Variants in OXR1 observed in about 807,000 individuals in gnomAD.
OXR1 encodes oxidation resistance 1.
Under a neutral mutation model 104.6 loss-of-function variants are expected in OXR1, and 41 were observed. The ratio of observed to expected loss-of-function variants is 0.39; its 90% CI spans 0.31 to 0.51. The LOEUF (loss-of-function observed/expected upper bound fraction) is 0.51. OXR1 is among the 20% of genes least tolerant of loss of function. OXR1 has a pLI of 0.77. For synonymous variants in OXR1, 348 were observed against 348.4 expected, an observed-to-expected ratio of 1.00 and a Z score of 0.01; for missense variants, 955 against 1,031.9, an observed-to-expected ratio of 0.93 and a Z score of 1.02.
At chr8:106,561,833 C>T (rs1288328458) in intron 3 of OXR1, among the ~76,000 whole-genome samples, 1 of 152,164 alleles carries the variant, frequency 6.6e-6, no homozygotes, top group African/African-American at 2.4e-5. Flanking sequence ...CCCAGGCAAA[C>T]AGGGTCTGGA....
At chr8:106,711,341 A>G (rs1197817253) in intron 10 of OXR1, among the ~76,000 whole-genome samples, 1 of 152,134 alleles carries the variant, frequency 6.6e-6, no homozygotes, top group Non-Finnish European at 1.5e-5. Flanking sequence ...TAGAACTGAA[A>G]CATTATAACA....
At chr8:106,653,673 C>T (rs191405733) in intron 3 of OXR1, among the ~76,000 whole-genome samples, 286 of 151,952 alleles carry the variant, frequency 1.9e-3, no homozygotes, top group Non-Finnish European at 3.2e-3. Flanking sequence ...TGCATTTTCT[C>T]CAAATTCAGG....
At chr8:106,433,643 G>C (rs746575358) in intron 2 of OXR1, among the ~76,000 whole-genome samples, 6 of 152,158 alleles carry the variant, frequency 3.9e-5, no homozygotes, top group Non-Finnish European at 7.3e-5. Context: ...GAGTCAATTA[G>C]GTCTGATTTC....
intron 3 of OXR1, among the ~76,000 whole-genome samples, chr8:106,591,727 T>C (rs1009640529): frequency 6.6e-6 from 1 of 152,206 alleles, no homozygotes; most frequent in Non-Finnish European, 1.5e-5. Context: ...CCCATGACTG[T>C]TTCCCAGTTG....
chr8:106,472,639 C>G (rs912031174), intron 2 of OXR1, among the ~76,000 whole-genome samples: 5 of 151,740 alleles, frequency 3.3e-5, no homozygotes, highest in African/African-American at 1.2e-4. Flanking sequence ...ACTTGCTATC[C>G]CATGCTTAGG....
intron 7 of OXR1, chr8:106,697,517 G>A: frequency 1.2e-6 from 2 of 1,610,676 alleles, no homozygotes; most frequent in Non-Finnish European, 1.7e-6. Flanking sequence ...TCTTGCAGCT[G>A]GTTATCCGAG....
At position 106,740,352 on chromosome 8, in the gene OXR1, C is replaced by A; in HGVS notation, c.2173C>A (p.His725Asn). 1 of 1,608,976 alleles carries A rather than the reference C, an allele frequency of 6.2e-7. No homozygotes were observed. Among genetic ancestry groups the A allele is most frequent in the Non-Finnish European group, 8.5e-7 (1 of 1,177,916 alleles). ...LPDQIEKLTK[H>N]LPPRTIGYPW... is the part of the protein sequence containing the mutation. The stretch of plus-strand genomic sequence containing the variant: ...ACTTTGTTTTCTAAAGCTTACCAAG[C>A]ATCTTCCACCAAGAACAATTGGCTA... Residue 725 changes from histidine to asparagine, a missense_variant, in exon 14 of 17, where the codon CAT becomes AAT. By Grantham distance (68) the His-to-Asn change is moderately conservative. This residue lies in a region of OXR1 where 849 missense variants were observed against 852.9 expected (regional missense o/e 1.00). Coordinates refer to ENST00000517566, the MANE Select transcript of OXR1 (RefSeq NM_001198533.2).
intron 2 of OXR1, among the ~76,000 whole-genome samples, chr8:106,364,119 A>G (rs1004984484): frequency 1.2e-4 from 19 of 152,282 alleles, no homozygotes; most frequent in South Asian, 4.1e-4. Context: ...AAAAATAACA[A>G]AGCCTAAGTT....
chr8:106,305,455 CAG>C (rs1038541978), intron 1 of OXR1, among the ~76,000 whole-genome samples: 11 of 152,088 alleles, frequency 7.2e-5, no homozygotes, highest in African/African-American at 2.7e-4. Context: ...GTTTAGGAGA[CAG>C]ATTTAAATAA....
chr8:106,281,098 A>G (rs917488024), intron 1 of OXR1, among the ~76,000 whole-genome samples: 1 of 152,076 alleles, frequency 6.6e-6, no homozygotes, highest in East Asian at 1.9e-4. Context: ...GGCAGAAACT[A>G]TAGGGCCCAC....
rs541886757 is a variant in OXR1 at position 106,400,831 on chromosome 8, AT to A, written c.23+41197del. Among the ~76,000 whole-genome samples, 535 of 152,292 alleles carry A rather than the reference AT, an allele frequency of 3.5e-3. 1 individual carries two copies. The highest frequency in any genetic ancestry group is 6.2e-3 in the Non-Finnish European group (420 of 68,026). On this transcript the variant is annotated intron_variant, in intron 2 of 16. Coordinates refer to ENST00000517566, the MANE Select transcript of OXR1 (RefSeq NM_001198533.2). Reference sequence around the variant, plus strand: ...AAAATATCACAATTCTGCTGGGTAGATTATGACAGATAGATACAACTAGGTA... The same window carrying A: ...AAAATATCACAATTCTGCTGGGTAGATATGACAGATAGATACAACTAGGTA...
At chr8:106,584,573 G>A (rs1252979463) in intron 3 of OXR1, among the ~76,000 whole-genome samples, 1 of 152,122 alleles carries the variant, frequency 6.6e-6, no homozygotes, top group African/African-American at 2.4e-5. Flanking sequence ...AATACTAGAA[G>A]CTACGAAGTA....
intron 3 of OXR1, among the ~76,000 whole-genome samples, chr8:106,586,739 G>A (rs1183219714): frequency 1.3e-5 from 2 of 152,116 alleles, no homozygotes; most frequent in African/African-American, 2.4e-5. Flanking sequence ...CAGTGGAGGA[G>A]GAAAATCAGG....
At chr8:106,347,422 A>G (rs1228624741) in intron 1 of OXR1, among the ~76,000 whole-genome samples, 2 of 152,204 alleles carry the variant, frequency 1.3e-5, no homozygotes, top group African/African-American at 2.4e-5. Context: ...TCTACTATCT[A>G]TTGTTTGAGT....
intron 1 of OXR1, among the ~76,000 whole-genome samples, chr8:106,295,484 T>C (rs1449358682): frequency 6.6e-6 from 1 of 152,192 alleles, no homozygotes; most frequent in Non-Finnish European, 1.5e-5. Context: ...CAACATGTTA[T>C]GCACGACTCA....
At chr8:106,463,882 C>G (rs1252067956) in intron 2 of OXR1, among the ~76,000 whole-genome samples, 9 of 152,040 alleles carry the variant, frequency 5.9e-5, no homozygotes, top group African/African-American at 4.8e-5. Flanking sequence ...AAAACCTGAG[C>G]TCTAAGCCTG....
intron 3 of OXR1, among the ~76,000 whole-genome samples, chr8:106,613,616 C>G (rs1301485006): frequency 6.6e-6 from 1 of 152,218 alleles, no homozygotes; most frequent in African/African-American, 2.4e-5. Context: ...ACAGGCTGGT[C>G]TCGAACTCCT....
intron 1 of OXR1, among the ~76,000 whole-genome samples, chr8:106,293,496 G>T (rs1812843673): frequency 6.6e-6 from 1 of 152,144 alleles, no homozygotes; most frequent in Non-Finnish European, 1.5e-5. Flanking sequence ...ACTTGGAACT[G>T]CACACAGATA....
intron 2 of OXR1, among the ~76,000 whole-genome samples, chr8:106,371,497 T>C (rs1280789629): frequency 6.6e-6 from 1 of 152,198 alleles, no homozygotes; most frequent in Non-Finnish European, 1.5e-5. Flanking sequence ...GGGTGTTGAT[T>C]TGAGATCTCT....
Sources: allele counts gnomAD v4.1 joint callset (sites outside exome capture counted in the v4.1 genomes callset), GRCh38; gene constraint gnomAD v4.1.1; regional missense constraint gnomAD v4.1.1; transcripts MANE v1.5; gene names NCBI Gene and HGNC (gene_info 2026-07-23, HGNC 2026-07-21).